RHBDD2: variants seen among roughly 807,000 people sequenced by gnomAD.
The protein encoded by RHBDD2 is rhomboid domain containing 2, also known as rhomboid domain-containing protein 2.
Under a neutral mutation model 21.7 loss-of-function variants are expected in RHBDD2, and 13 were observed. That is an observed-to-expected ratio of 0.60 (90% CI 0.39 to 0.95). RHBDD2 has a LOEUF of 0.95. Ranked by LOEUF, RHBDD2 falls within the 40% of genes least tolerant of loss-of-function variation. The pLI is 0.00. For missense variants in RHBDD2, 473 were observed against 478.9 expected, an observed-to-expected ratio of 0.99 and a Z score of 0.11; for synonymous variants, 225 against 220.0, an observed-to-expected ratio of 1.02 and a Z score of -0.20.
At chr7:75,886,703 A>G (rs1305752232) in intron 3 of RHBDD2, among the ~76,000 whole-genome samples, 1 of 151,722 alleles carries the variant, frequency 6.6e-6, no homozygotes, top group East Asian at 1.9e-4. Flanking sequence ...AGTCCCAGCT[A>G]CTCGGGAGGC....
rs1554544507 is a variant in RHBDD2 at position 75,888,260 on chromosome 7, G to A, written c.1006G>A (p.Val336Met). The A allele has an allele frequency of 1.2e-6, 2 of 1,613,718 alleles. No homozygotes were observed. The highest frequency in any genetic ancestry group is 1.7e-5 in the Admixed American group (1 of 60,026). Residue 336 changes from valine (V) to methionine (M), a missense_variant, in exon 4 of 4, where the codon GTG (valine) becomes ATG (methionine). Physicochemically the swap from Val to Met is conservative, Grantham distance 21 (BLOSUM62 1). Coordinates refer to ENST00000006777, the MANE Select transcript of RHBDD2 (RefSeq NM_001040456.3). ...CCTGGGCATCCAGCCCCCCACGCCT[G>A]TGAACAGCCCTGGCACGGTGTATTC... ...TSLGIQPPTPVNSPGTVYSGA... is the reference protein window; with the variant it reads ...TSLGIQPPTPMNSPGTVYSGA...
At chr7:75,887,937 C>T (rs1805778172) in intron 3 of RHBDD2, 55 bp from the exon 4 acceptor site, 3 of 1,477,116 alleles carry the variant, frequency 2.0e-6, no homozygotes, top group South Asian at 1.2e-5. Flanking sequence ...GCACAAGATG[C>T]CATGACCTTG....
intron 3 of RHBDD2, among the ~76,000 whole-genome samples, chr7:75,887,150 T>TG (rs1437726534): frequency 2.7e-5 from 4 of 149,666 alleles, no homozygotes; most frequent in African/African-American, 7.4e-5. Flanking sequence ...TTTTTTTTTT[T>TG]TTTTTTACAC....
In RHBDD2 at chr7:75,881,923, G is replaced by C; in HGVS notation, c.273G>C (p.Glu91Asp). 6.2e-7 allele frequency: 1 copy of C among 1,614,212 alleles called. No homozygotes were observed. The highest frequency in any genetic ancestry group is 1.1e-5 in the South Asian group (1 of 91,084). Reference protein sequence around the residue: ...IIIWRFAGNFERTVGTVRHCF... With the variant: ...IIIWRFAGNFDRTVGTVRHCF... ...TCTGGCGCTTTGCTGGCAATTTCGA[G>C]AGAACCGTGGGCACCGTCCGCCACT... Residue 91 changes from glutamate to aspartate, a missense_variant, in exon 2 of 4, where the codon GAG becomes GAC. By Grantham distance (45) the Glu-to-Asp change is conservative (BLOSUM62 2). Transcript: ENST00000006777.
chr7:75,881,479 C>G, intron 1 of RHBDD2: 2 of 1,307,178 alleles, frequency 1.5e-6, no homozygotes, highest in Non-Finnish European at 2.0e-6. Context: ...CTCAAACTGC[C>G]CAGTGAGGTA....
At position 75,879,267 on chromosome 7, in the gene RHBDD2, AG is replaced by A; in HGVS notation, c.178+11del. The A allele has an allele frequency of 6.7e-7, 1 of 1,483,582 alleles. No homozygotes were observed. The highest frequency in any genetic ancestry group is 1.3e-5 in the South Asian group (1 of 79,198). 91.9% of individuals were successfully genotyped at this position (1,483,582 alleles called of 1,614,324 possible). ...GCCCTTCGCAACTGGCAAGGTGAGC[AG>A]GGGCGGGCCGGGATCGCGGGGCGAG... On this transcript the variant is annotated splice_region_variant and intron_variant, in intron 1 of 3. Transcript: ENST00000006777.
In RHBDD2 at chr7:75,888,325, G is replaced by A. The variant is rs1554544558; in HGVS notation, c.1071G>A (p.Glu357=). The A allele has an allele frequency of 6.2e-7, 1 of 1,610,994 alleles. No homozygotes were observed. The highest frequency in any genetic ancestry group is 2.2e-5 in the East Asian group (1 of 44,836). The change falls in exon 4 of 4, where the codon GAG becomes GAA. Residue 357 remains glutamate (E), a synonymous_variant. Transcript: ENST00000006777. The part of the protein sequence containing the change: ...LGTPGAAGSK[E]SSRVPMP The stretch of plus-strand genomic sequence containing the variant: ...CACCAGGGGCTGCAGGCTCCAAGGA[G>A]TCCTCCAGGGTCCCCATGCCCTGAG...
At chr7:75,880,808 G>A (rs146864685) in intron 1 of RHBDD2, among the ~76,000 whole-genome samples, 5 of 152,158 alleles carry the variant, frequency 3.3e-5, no homozygotes, top group East Asian at 1.9e-4. Flanking sequence ...TCACTGCAGC[G>A]TTCAACTCCT....
At position 75,881,843 on chromosome 7, in the gene RHBDD2, A is replaced by G. The variant is rs782180895; in HGVS notation, c.193A>G (p.Thr65Ala). Residue 65 changes from threonine to alanine, a missense_variant, in exon 2 of 4, where the codon ACC becomes GCC. Coordinates refer to ENST00000006777, the MANE Select transcript of RHBDD2 (RefSeq NM_001040456.3). ...LRNWQVYRLVTYIFVYENPIS... is the reference protein window; with the variant it reads ...LRNWQVYRLVAYIFVYENPIS... ...TCCCTCTGCAGTTTACAGGCTGGTA[A>G]CCTACATCTTTGTCTACGAGAATCC... The G allele has an allele frequency of 1.6e-5, 26 of 1,604,954 alleles. No individual in the cohort carries two copies. Among genetic ancestry groups the G allele is most frequent in the Non-Finnish European group, 2.0e-5 (24 of 1,174,132 alleles).
chr7:75,884,425 T>C (rs1554543350), intron 3 of RHBDD2, among the ~76,000 whole-genome samples: 1 of 152,072 alleles, frequency 6.6e-6, no homozygotes, highest in Non-Finnish European at 1.5e-5. Flanking sequence ...TCCACTGTGT[T>C]ACCAAGGCTG....
At chr7:75,881,629 T>G in intron 1 of RHBDD2, 200 bp from the exon 2 acceptor site, 4 of 1,024,250 alleles carry the variant, frequency 3.9e-6, no homozygotes, top group Non-Finnish European at 5.5e-6. Context: ...AGTGTAGGGA[T>G]TAGATATTCA....
At chr7:75,886,512 G>C (rs1805677341) in intron 3 of RHBDD2, among the ~76,000 whole-genome samples, 1 of 152,134 alleles carries the variant, frequency 6.6e-6, no homozygotes, top group Admixed American at 6.6e-5. Flanking sequence ...GCCCTGATGA[G>C]AAAGTTCTTC....
At chr7:75,879,985 GCACA>G (rs1331737658) in intron 1 of RHBDD2, among the ~76,000 whole-genome samples, 1 of 152,174 alleles carries the variant, frequency 6.6e-6, no homozygotes, top group Non-Finnish European at 1.5e-5. Flanking sequence ...GTTTTGCAAA[GCACA>G]CACACTGATA....
chr7:75,888,706 T>C lies in RHBDD2; in HGVS notation c.*357T>C, dbSNP rs1262522452. The C allele has an allele frequency of 1.4e-5, 4 of 282,348 alleles. No individual in the cohort carries two copies. The highest frequency in any genetic ancestry group is 2.7e-5 in the Non-Finnish European group (4 of 147,060). The allele number at this position is 282,348 out of a possible 1,614,324, so 17.5% of individuals were successfully genotyped here. A position where few individuals can be genotyped will look rare whatever the true frequency, so the allele number is the denominator to read the frequency against. The stretch of plus-strand genomic sequence containing the variant: ...ATTCCTCCCTGTGGCTGTGCCGTGC[T>C]CGTGGTTTCAGTGTCCGTGTGTCCA... On this transcript the variant is annotated 3_prime_UTR_variant, in exon 4 of 4. Coordinates refer to ENST00000006777, the MANE Select transcript of RHBDD2 (RefSeq NM_001040456.3).
chr7:75,883,273 C>T (rs1437013655), intron 2 of RHBDD2, among the ~76,000 whole-genome samples: 2 of 152,022 alleles, frequency 1.3e-5, no homozygotes, highest in Non-Finnish European at 2.9e-5. Context: ...GTAATACTAG[C>T]ACTTTGGGAG....
Position 75,887,999 on chromosome 7 carries a change from C to T in RHBDD2, c.745C>T (p.Pro249Ser). Residue 249 changes from proline (P) to serine (S), a missense_variant, in exon 4 of 4, where the codon CCG (proline) becomes TCG (serine). Physicochemically the swap from Pro to Ser is moderately conservative, Grantham distance 74. Transcript: ENST00000006777. The stretch of plus-strand genomic sequence containing the variant: ...TCTCTTGTTCCATTCCAGACTGAAC[C>T]CGGTGCCTGGCTCCTACCCCACACA... The part of the protein sequence containing the change: ...RRAAQSRKLN[P>S]VPGSYPTQSC... The T allele has an allele frequency of 1.9e-6, 3 of 1,611,390 alleles. No homozygotes were observed. Among genetic ancestry groups the T allele is most frequent in the Non-Finnish European group, 1.7e-6 (2 of 1,178,522 alleles).
Position 75,879,190 on chromosome 7 carries a change from G to C in RHBDD2, c.108G>C (p.Leu36=), listed in dbSNP as rs1419465002. ...CGCTGCTGGTTTCCGGGCCTCGCCT[G>C]TTCCTGCTGCAGCAGCCCCTGGCGC... ...LLSLLVSGPR[L]FLLQQPLAPS... The change falls in exon 1 of 4, where the codon CTG becomes CTC. Residue 36 remains leucine, a synonymous_variant. Transcript: ENST00000006777. The C allele has an allele frequency of 5.9e-6, 9 of 1,518,348 alleles. No individual in the cohort carries two copies. The highest frequency in any genetic ancestry group is 7.1e-6 in the Non-Finnish European group (8 of 1,131,340). The allele number at this position is 1,518,348 out of a possible 1,614,324, so 94.1% of individuals were successfully genotyped here.
chr7:75,881,239 C>G, intron 1 of RHBDD2: 1 of 738,650 alleles, frequency 1.4e-6, no homozygotes, highest in Non-Finnish European at 2.0e-6. Context: ...ATCAGTTTAC[C>G]TGTGAGATCG....
At chr7:75,885,669 A>G (rs368106138) in intron 3 of RHBDD2, among the ~76,000 whole-genome samples, 2 of 152,196 alleles carry the variant, frequency 1.3e-5, no homozygotes, top group African/African-American at 2.4e-5. Context: ...GCAGCTTCCA[A>G]TCATAGGGCA....
Sources: gnomAD v4.1 joint callset for allele counts (sites outside exome capture counted in the v4.1 genomes callset) on GRCh38, gnomAD v4.1.1 for gene constraint, MANE v1.5 for transcripts, NCBI Gene and HGNC (gene_info 2026-07-23, HGNC 2026-07-21) for gene names.